The following CAMTA1 variants were observed in gnomAD, a reference collection of about 807,000 sequenced individuals.
CAMTA1 encodes the protein calmodulin-binding transcription activator 1.
A neutral mutation model predicts 170.9 loss-of-function variants in CAMTA1; 27 were observed. The ratio of observed to expected loss-of-function variants is 0.16; its 90% CI spans 0.12 to 0.22. CAMTA1 has a LOEUF of 0.22. CAMTA1 is among the 10% of genes least tolerant of loss of function. The pLI, the probability that CAMTA1 is intolerant of heterozygous loss-of-function variation, is 1.00. For synonymous variants in CAMTA1, 833 were observed against 891.5 expected (o/e 0.93, Z 1.17); for missense variants, 1,619 against 2,217.2 (o/e 0.73, Z 5.42).
At chr1:7,003,401 T>G (rs1698526950) in intron 3 of CAMTA1, among the ~76,000 whole-genome samples, 1 of 152,210 alleles carries the variant, frequency 6.6e-6, no homozygotes, top group African/African-American at 2.4e-5. Flanking sequence ...TGTAGAGTAA[T>G]GTGGCCCAGA....
chr1:7,301,264 A>C (rs2213777), intron 5 of CAMTA1, among the ~76,000 whole-genome samples: 152,370 of 152,370 alleles, frequency 1, 76,185 homozygotes, highest in Non-Finnish European at 1. Flanking sequence ...AATTGCCTTC[A>C]CCTGCGGTAT....
chr1:7,378,724 A>C (rs923325975), intron 5 of CAMTA1, among the ~76,000 whole-genome samples: 2 of 152,098 alleles, frequency 1.3e-5, no homozygotes, highest in Non-Finnish European at 2.9e-5. Flanking sequence ...TGACCTGTAC[A>C]CTTTAAAATG....
intron 6 of CAMTA1, among the ~76,000 whole-genome samples, chr1:7,568,840 TCATCATCACCA>T (rs537087802): frequency 6.9e-6 from 1 of 144,924 alleles, no homozygotes; most frequent in South Asian, 2.3e-4. Flanking sequence ...ATCACCATCA[TCATCATCACCA>T]CATCATCATC....
intron 7 of CAMTA1, among the ~76,000 whole-genome samples, chr1:7,645,114 A>AG (rs2095793992): frequency 6.6e-6 from 1 of 152,184 alleles, no homozygotes; most frequent in Non-Finnish European, 1.5e-5. Flanking sequence ...GAGGAGCTGA[A>AG]GGGGGAGTCC....
At chr1:7,136,806 C>T (rs957983128) in intron 4 of CAMTA1, among the ~76,000 whole-genome samples, 9 of 152,170 alleles carry the variant, frequency 5.9e-5, no homozygotes, top group Admixed American at 2.6e-4. Flanking sequence ...CTGGCTGGCT[C>T]CTTCCTCAGA....
chr1:7,653,849 C>G (rs1009369523), intron 7 of CAMTA1, among the ~76,000 whole-genome samples: 21 of 152,304 alleles, frequency 1.4e-4, no homozygotes, highest in Middle Eastern at 3.4e-3. Flanking sequence ...AAGGCCTGCC[C>G]TCAGGATCCA....
chr1:7,050,038 G>A lies in CAMTA1; in HGVS notation c.235-41266G>A, dbSNP rs913317217. 3.3e-5 allele frequency among the ~76,000 whole-genome samples: 5 copies of A among 152,226 alleles called. No homozygotes were observed. The highest frequency in any genetic ancestry group is 9.7e-5 in the African/African-American group (4 of 41,450). On this transcript the variant is annotated intron_variant, in intron 3 of 22. Coordinates refer to ENST00000303635, the MANE Select transcript of CAMTA1 (RefSeq NM_015215.4). This position sits in a 1 kb window ranked among gnomAD's most constrained non-coding sequence, Gnocchi z 4.8. ...ATCCCAGGGACATCTGGGCAAAGAC[G>A]TTCCCAGGAGGGGACTGCAAGCGCG... is the stretch of plus-strand genomic sequence containing the variant.
chr1:7,492,677 ACACAAACACAAACC>A lies in CAMTA1; in HGVS notation c.510+24777_510+24790del, dbSNP rs1557804650. Among the ~76,000 whole-genome samples, 827 of 145,676 alleles carry A rather than the reference ACACAAACACAAACC, an allele frequency of 5.7e-3. 16 individuals are homozygous for A. The highest frequency in any genetic ancestry group is 0.019 in the African/African-American group (736 of 38,764). ...CAAACACAAACATACGAACACACAC[ACACAAACACAAACC>A]TACAAACACACACGCAGGCACACAC... On this transcript the variant is annotated intron_variant, in intron 6 of 22. Transcript: ENST00000303635.
chr1:7,017,523 T>C (rs547543118), intron 3 of CAMTA1, among the ~76,000 whole-genome samples: 1 of 152,294 alleles, frequency 6.6e-6, no homozygotes, highest in East Asian at 1.9e-4. Context: ...TATGTGTAGG[T>C]TTCAAACTTG....
intron 3 of CAMTA1, among the ~76,000 whole-genome samples, chr1:6,946,556 T>C (rs1316465737): frequency 1.3e-5 from 2 of 152,228 alleles, no homozygotes; most frequent in African/African-American, 4.8e-5. Context: ...GTGGTTTTGA[T>C]TTGCATTTCC....
chr1:7,219,986 A>C (rs761792165), intron 4 of CAMTA1, among the ~76,000 whole-genome samples: 11 of 152,208 alleles, frequency 7.2e-5, no homozygotes, highest in Non-Finnish European at 1.5e-4. Context: ...CAAGAATGGA[A>C]CTGGCTGGCA....
At chr1:7,048,956 A>G (rs1705851863) in intron 3 of CAMTA1, among the ~76,000 whole-genome samples, 2 of 152,218 alleles carry the variant, frequency 1.3e-5, no homozygotes, top group Admixed American at 6.5e-5. Context: ...TTAGTTTAAA[A>G]TTAAACTTAC....
chr1:7,625,998 C>A (rs1448766774), intron 6 of CAMTA1, among the ~76,000 whole-genome samples: 4 of 152,236 alleles, frequency 2.6e-5, no homozygotes, highest in African/African-American at 9.6e-5. Context: ...ACTGTATTTT[C>A]TAATCCAAAC....
intron 3 of CAMTA1, among the ~76,000 whole-genome samples, chr1:7,017,499 A>G (rs1700729922): frequency 6.6e-6 from 1 of 152,200 alleles, no homozygotes; most frequent in African/African-American, 2.4e-5. Flanking sequence ...GTCAGCGAGT[A>G]TTTAAGTACC....
At chr1:7,667,888 C>G (rs912473730) in intron 9 of CAMTA1, among the ~76,000 whole-genome samples, 3 of 152,230 alleles carry the variant, frequency 2.0e-5, no homozygotes, top group Admixed American at 6.5e-5. Flanking sequence ...CAGCTAGGCC[C>G]TTTGGGGCCC....
intron 5 of CAMTA1, among the ~76,000 whole-genome samples, chr1:7,356,898 A>G (rs1321102401): frequency 6.6e-6 from 1 of 152,162 alleles, no homozygotes; most frequent in Non-Finnish European, 1.5e-5. Context: ...AGGATGTGAC[A>G]GGATATCTAT....
At chr1:6,813,454 T>A (rs753881520) in intron 1 of CAMTA1, among the ~76,000 whole-genome samples, 8 of 151,940 alleles carry the variant, frequency 5.3e-5, no homozygotes, top group Admixed American at 2.0e-4. Flanking sequence ...CTGAAAACTG[T>A]TGAGTATTCC....
intron 3 of CAMTA1, among the ~76,000 whole-genome samples, chr1:6,834,803 T>A (rs999952339): frequency 2.0e-5 from 3 of 152,102 alleles, no homozygotes; most frequent in Admixed American, 1.3e-4. Flanking sequence ...CCCAGCTAAT[T>A]TATACATTGT....
chr1:7,610,198 C>T (rs6676442), intron 6 of CAMTA1, among the ~76,000 whole-genome samples: 6,088 of 152,286 alleles, frequency 0.04, 382 homozygotes, highest in African/African-American at 0.14. Flanking sequence ...CTCATAAATA[C>T]ATACACAGCC....
Sources: gnomAD v4.1 joint callset for allele counts (sites outside exome capture counted in the v4.1 genomes callset) on GRCh38, gnomAD v4.1.1 for gene constraint, Gnocchi (gnomAD v3.1) non-coding constraint, MANE v1.5 for transcripts, NCBI Gene and HGNC (gene_info 2026-07-23, HGNC 2026-07-21) for gene names.